The following DYNC2H1 variants were observed in gnomAD, a reference collection of about 807,000 sequenced individuals.
The protein encoded by DYNC2H1 is cytoplasmic dynein 2 heavy chain 1.
A neutral mutation model predicts 570.0 loss-of-function variants in DYNC2H1; 410 were observed. The ratio of observed to expected loss-of-function variants is 0.72; its 90% CI spans 0.66 to 0.78. The LOEUF is 0.78. Among genes scored for constraint, DYNC2H1 ranks in the 30% least tolerant of loss-of-function variants. The probability of loss-of-function intolerance (pLI) is 0.00; values close to 1 mark genes in which losing one functional copy is unlikely to be tolerated. For missense variants in DYNC2H1, 4,865 were observed against 5,046.4 expected (o/e 0.96, Z 1.09); for synonymous variants, 1,688 against 1,677.6 (o/e 1.01, Z -0.15).
chr11:103,178,323 G>T lies in DYNC2H1; in HGVS notation c.6139+503G>T, dbSNP rs184757267. 3.9e-3 allele frequency among the ~76,000 whole-genome samples: 598 copies of T among 152,072 alleles called. 2 individuals are homozygous for T. The highest frequency in any genetic ancestry group is 4.3e-3 in the Non-Finnish European group (294 of 67,940). ...AATCAGAGGAGACTCCCTACTTTTT[G>T]CCAGGTTATAATTTAATTAATAATT... On this transcript the variant is annotated intron_variant, in intron 38 of 88. Transcript: ENST00000375735.
In DYNC2H1 at chr11:103,369,137, G is replaced by A. The variant is rs1215683878; in HGVS notation, c.12156+10778G>A. ...CCTGTCTCCAAGCAGCAGTGGCATG[G>A]CATGGAGAGCGTTTTGGTGCACTGG... On this transcript the variant is annotated intron_variant, in intron 83 of 88. Coordinates refer to ENST00000375735, the MANE Select transcript of DYNC2H1 (RefSeq NM_001377.3). This position sits in a 1 kb window ranked among gnomAD's most constrained non-coding sequence, Gnocchi z 4.0. Among the ~76,000 whole-genome samples, 15 of 152,138 alleles carry A rather than the reference G, an allele frequency of 9.9e-5. No individual in the cohort carries two copies. Among genetic ancestry groups the A allele is most frequent in the Non-Finnish European group, 1.5e-5 (1 of 68,024 alleles).
chr11:103,191,284 C>G (rs1372247852), intron 45 of DYNC2H1, among the ~76,000 whole-genome samples: 36 of 151,976 alleles, frequency 2.4e-4, no homozygotes. Context: ...GTGATCTGCC[C>G]CCACTCAGCC....
Position 103,479,212 on chromosome 11 carries a change from T to C in DYNC2H1, c.12883T>C (p.Trp4295Arg). 6.2e-7 allele frequency: 1 copy of C among 1,613,844 alleles called. No individual in the cohort carries two copies. Among genetic ancestry groups the C allele is most frequent in the Non-Finnish European group, 8.5e-7 (1 of 1,179,800 alleles). Residue 4295 changes from tryptophan to arginine, a missense_variant, in exon 89 of 89, where the codon TGG becomes CGG. By Grantham distance (101) the Trp-to-Arg change is moderately radical (BLOSUM62 -3). Transcript: ENST00000375735. The part of the protein sequence containing the change: ...DVPCGGNQDQ[W>R]IQCGAALFLK... The stretch of plus-strand genomic sequence containing the variant: ...TCCATGTGGGGGCAACCAAGACCAG[T>C]GGATTCAGTGTGGAGCAGCTCTATT...
intron 75 of DYNC2H1, among the ~76,000 whole-genome samples, chr11:103,295,633 A>G (rs1282065595): frequency 1.3e-5 from 2 of 152,240 alleles, no homozygotes; most frequent in South Asian, 2.1e-4. Flanking sequence ...CCTGGGCACC[A>G]TAGTGAAGGT....
At chr11:103,316,081 T>G (rs1301914749) in intron 79 of DYNC2H1, among the ~76,000 whole-genome samples, 1 of 152,026 alleles carries the variant, frequency 6.6e-6, no homozygotes, top group African/African-American at 2.4e-5. Flanking sequence ...CTATTAGTTA[T>G]AGTTATATAA....
intron 75 of DYNC2H1, among the ~76,000 whole-genome samples, chr11:103,294,282 G>A (rs1164789636): frequency 6.6e-6 from 1 of 152,112 alleles, no homozygotes; most frequent in African/African-American, 2.4e-5. Context: ...CTTCATCATT[G>A]TCTGGACATT....
At position 103,177,788 on chromosome 11, in the gene DYNC2H1, A is replaced by G; in HGVS notation, c.6107A>G (p.Asn2036Ser). ...TREWSDGVLT[N>S]SARQVVREPQ... is the part of the protein sequence containing the mutation. ...GAATGGTCTGATGGTGTTTTGACAA[A>G]TAGTGCTCGTCAAGTGGTTCGGGAA... The change falls in exon 38 of 89, where the codon AAT (asparagine) becomes AGT (serine). Residue 2036 changes from asparagine to serine, a missense_variant. This residue lies in a region of DYNC2H1 where 231 missense variants were observed against 310.3 expected (regional missense o/e 0.74). Coordinates refer to ENST00000375735, the MANE Select transcript of DYNC2H1 (RefSeq NM_001377.3). This position sits in a 1 kb window ranked among gnomAD's most constrained non-coding sequence, Gnocchi z 4.4. The G allele has an allele frequency of 6.2e-7, 1 of 1,612,650 alleles. No individual in the cohort carries two copies. The highest frequency in any genetic ancestry group is 8.5e-7 in the Non-Finnish European group (1 of 1,179,382).
Position 103,157,246 on chromosome 11 carries a change from C to T in DYNC2H1, c.4127+476C>T, listed in dbSNP as rs924346957. On this transcript the variant is annotated intron_variant, in intron 26 of 88. Coordinates refer to ENST00000375735, the MANE Select transcript of DYNC2H1 (RefSeq NM_001377.3). The surrounding 1 kb of genome is among the most constrained non-coding windows in gnomAD (Gnocchi z 4.2). Reference sequence around the variant, plus strand: ...TAGTCATTCTCCAGGCCTCAGCCTTCGATTTTTTTCTCACTGTATTCTCAG... The same window carrying T: ...TAGTCATTCTCCAGGCCTCAGCCTTTGATTTTTTTCTCACTGTATTCTCAG... Among the ~76,000 whole-genome samples the T allele has an allele frequency of 6.6e-6, 1 of 152,172 alleles. No homozygotes were observed. The highest frequency in any genetic ancestry group is 1.5e-5 in the Non-Finnish European group (1 of 68,026).
intron 17 of DYNC2H1, among the ~76,000 whole-genome samples, chr11:103,137,410 G>A (rs1316541315): frequency 4.6e-5 from 7 of 151,898 alleles, no homozygotes; most frequent in African/African-American, 1.7e-4. Context: ...TGTATAAGGT[G>A]TAAGGAAGGG....
At chr11:103,265,550 G>C (rs1865474322) in intron 70 of DYNC2H1, among the ~76,000 whole-genome samples, 1 of 152,128 alleles carries the variant, frequency 6.6e-6, no homozygotes, top group Non-Finnish European at 1.5e-5. Flanking sequence ...GTCAGTCCCT[G>C]CATTGTTTTA....
chr11:103,197,189 A>C (rs1410945838), intron 47 of DYNC2H1, among the ~76,000 whole-genome samples: 1 of 151,908 alleles, frequency 6.6e-6, no homozygotes, highest in Non-Finnish European at 1.5e-5. Context: ...GTCCTTTCTC[A>C]AGGAGAGTTT....
chr11:103,411,722 A>G lies in DYNC2H1; in HGVS notation c.12366+11850A>G, dbSNP rs563625134. Among the ~76,000 whole-genome samples, 61 of 152,184 alleles carry G rather than the reference A, an allele frequency of 4.0e-4. No individual in the cohort carries two copies. In the South Asian group the frequency reaches 8.7e-3, roughly 22 times the overall value. ...TTATATTTTTTCTTTCTTTCAACCAAGATCTACTAAGTATTTCATTATTTC... is the reference window on the plus strand; with the variant it reads ...TTATATTTTTTCTTTCTTTCAACCAGGATCTACTAAGTATTTCATTATTTC... On this transcript the variant is annotated intron_variant, in intron 84 of 88. Coordinates refer to ENST00000375735, the MANE Select transcript of DYNC2H1 (RefSeq NM_001377.3).
intron 55 of DYNC2H1, among the ~76,000 whole-genome samples, 174 bp from the exon 56 acceptor site, chr11:103,219,741 A>C (rs529782663): frequency 6.6e-6 from 1 of 152,224 alleles, no homozygotes; most frequent in African/African-American, 2.4e-5. Context: ...AATATGGAGT[A>C]AAATATATCA....
At chr11:103,206,251 G>T (rs1332943385) in intron 52 of DYNC2H1, among the ~76,000 whole-genome samples, 1 of 152,124 alleles carries the variant, frequency 6.6e-6, no homozygotes, top group East Asian at 1.9e-4. Flanking sequence ...CAACTAGAAG[G>T]ATGAAATGAC....
chr11:103,431,031 C>T (rs1943870071), intron 84 of DYNC2H1, among the ~76,000 whole-genome samples: 2 of 151,944 alleles, frequency 1.3e-5, no homozygotes, highest in Non-Finnish European at 2.9e-5. Context: ...TGGCAAATAG[C>T]AGCTATTTAC....
intron 17 of DYNC2H1, 48 bp downstream of exon 17, chr11:103,135,996 A>G: frequency 7.1e-7 from 1 of 1,410,498 alleles, no homozygotes; most frequent in Non-Finnish European, 9.5e-7. Context: ...ATTATTTCTG[A>G]TTGATTGAAT....
chr11:103,388,078 A>G (rs10736627), intron 83 of DYNC2H1, among the ~76,000 whole-genome samples: 148,210 of 152,218 alleles, frequency 0.97, 72,280 homozygotes, highest in Middle Eastern at 1. Context: ...CATTGAATCT[A>G]TAAATTACCT....
At chr11:103,122,547 A>G (rs1158344146) in intron 10 of DYNC2H1, among the ~76,000 whole-genome samples, 1 of 152,188 alleles carries the variant, frequency 6.6e-6, no homozygotes, top group Admixed American at 6.6e-5. Flanking sequence ...TGGGGCACAG[A>G]TATTTTGAGG....
At position 103,479,243 on chromosome 11, in the gene DYNC2H1, A is replaced by G. The variant is rs752657376; in HGVS notation, c.12914A>G (p.Lys4305Arg). The change falls in exon 89 of 89, where the codon AAA (lysine) becomes AGA (arginine). Residue 4305 changes from lysine to arginine, a missense_variant. Physicochemically the swap from Lys to Arg is conservative, Grantham distance 26 (BLOSUM62 2). Around this residue, in one of 5 missense-constraint regions of DYNC2H1, gnomAD observed 2,401 missense variants for 2,454.6 expected, o/e 0.98. Transcript: ENST00000375735. Reference sequence around the variant, plus strand: ...CAGTGTGGAGCAGCTCTATTCCTAAAAAATCAGTAGAATCTAATGACAACA... The same window carrying G: ...CAGTGTGGAGCAGCTCTATTCCTAAGAAATCAGTAGAATCTAATGACAACA... ...WIQCGAALFL[K>R]NQ 6.2e-7 allele frequency: 1 copy of G among 1,610,786 alleles called. No individual in the cohort carries two copies. The highest frequency in any genetic ancestry group is 1.3e-5 in the African/African-American group (1 of 74,876).
Sources: gnomAD v4.1 joint callset for allele counts (sites outside exome capture counted in the v4.1 genomes callset) on GRCh38, gnomAD v4.1.1 for gene constraint, gnomAD v4.1.1 regional missense constraint, Gnocchi (gnomAD v3.1) non-coding constraint, MANE v1.5 for transcripts, NCBI Gene and HGNC (gene_info 2026-07-23, HGNC 2026-07-21) for gene names.